Variants in KIFAP3 observed in about 807,000 individuals in gnomAD.
The protein encoded by KIFAP3 is kinesin associated protein 3, also known as kinesin-associated protein 3.
A neutral mutation model predicts 106.5 loss-of-function variants in KIFAP3; 68 were observed. That is an observed-to-expected ratio of 0.64 (90% CI 0.53 to 0.78). KIFAP3 has a LOEUF of 0.78. Among genes scored for constraint, KIFAP3 ranks in the 30% least tolerant of loss-of-function variants. The pLI, the probability that KIFAP3 is intolerant of heterozygous loss-of-function variation, is 0.00. For synonymous variants in KIFAP3, 320 were observed against 311.5 expected, an observed-to-expected ratio of 1.03 and a Z score of -0.29; for missense variants, 780 against 941.8, an observed-to-expected ratio of 0.83 and a Z score of 2.25.
chr1:170,082,003 G>A (rs1672027029), intron 1 of KIFAP3, among the ~76,000 whole-genome samples: 1 of 152,108 alleles, frequency 6.6e-6, no homozygotes, highest in Non-Finnish European at 1.5e-5. Flanking sequence ...AATGCAAAAT[G>A]GTACAACCTT....
At chr1:169,981,145 T>A (rs899120843) in intron 15 of KIFAP3, among the ~76,000 whole-genome samples, 1 of 152,090 alleles carries the variant, frequency 6.6e-6, no homozygotes, top group East Asian at 1.9e-4. Context: ...AAAGAAGTGA[T>A]ATAATACAGT....
At chr1:170,013,492 TATATAA>T (rs1339314522) in intron 10 of KIFAP3, among the ~76,000 whole-genome samples, 2 of 146,134 alleles carry the variant, frequency 1.4e-5, no homozygotes, top group Non-Finnish European at 3.0e-5. Flanking sequence ...TATATATATA[TATATAA>T]AATACATATA....
chr1:170,016,711 CT>C, intron 9 of KIFAP3, 87 bp from the exon 10 acceptor site: 1 of 751,634 alleles, frequency 1.3e-6, no homozygotes, highest in Non-Finnish European at 2.0e-6. Flanking sequence ...TGTTTTTACC[CT>C]AATGTATATC....
At chr1:170,010,943 T>C (rs529010061) in intron 10 of KIFAP3, among the ~76,000 whole-genome samples, 2 of 152,100 alleles carry the variant, frequency 1.3e-5, no homozygotes, top group South Asian at 2.1e-4. Flanking sequence ...AATTTCTATA[T>C]ATGAAATAGG....
At chr1:169,928,103 C>CTT (rs59128071) in intron 19 of KIFAP3, among the ~76,000 whole-genome samples, 67 of 148,724 alleles carry the variant, frequency 4.5e-4, no homozygotes, top group Non-Finnish European at 4.5e-4. Flanking sequence ...TATCTTTTCT[C>CTT]TTTTTTTTTT....
chr1:170,032,250 C>T, intron 7 of KIFAP3: 1 of 267,858 alleles, frequency 3.7e-6, no homozygotes, highest in Non-Finnish European at 7.1e-6. Context: ...ATTTGAACCT[C>T]ACCAAATACT....
chr1:170,080,954 T>C (rs1050810636), intron 1 of KIFAP3, among the ~76,000 whole-genome samples: 1 of 152,194 alleles, frequency 6.6e-6, no homozygotes, highest in Non-Finnish European at 1.5e-5. Context: ...CCATTTTTAA[T>C]AAAATTATCT....
intron 19 of KIFAP3, among the ~76,000 whole-genome samples, chr1:169,930,952 T>G (rs867121788): frequency 1.3e-5 from 2 of 148,608 alleles, no homozygotes; most frequent in Non-Finnish European, 3.0e-5. Context: ...GGAGTTTCAC[T>G]CTTCTTGCCC....
chr1:170,051,468 T>C (rs186457409), intron 2 of KIFAP3, among the ~76,000 whole-genome samples: 116 of 152,326 alleles, frequency 7.6e-4, no homozygotes, highest in African/African-American at 2.5e-3. Flanking sequence ...ATTCAGGACT[T>C]GAACTCAGCT....
chr1:170,002,825 A>T (rs1359784877), intron 10 of KIFAP3, among the ~76,000 whole-genome samples: 1 of 152,218 alleles, frequency 6.6e-6, no homozygotes, highest in Non-Finnish European at 1.5e-5. Context: ...GCTTAGCAAC[A>T]TCTATTGGTA....
chr1:169,970,133 A>G (rs1665829841), intron 17 of KIFAP3, among the ~76,000 whole-genome samples: 1 of 152,022 alleles, frequency 6.6e-6, no homozygotes, highest in South Asian at 2.1e-4. Context: ...TGGAAGAGAA[A>G]AAGGCAATGG....
At chr1:169,925,390 G>T (rs546234362) in intron 19 of KIFAP3, among the ~76,000 whole-genome samples, 1 of 151,838 alleles carries the variant, frequency 6.6e-6, no homozygotes, top group African/African-American at 2.4e-5. Context: ...TATCTCCCAA[G>T]AACAATTATT....
intron 9 of KIFAP3, among the ~76,000 whole-genome samples, chr1:170,017,829 G>T (rs1304485319): frequency 6.6e-6 from 1 of 152,170 alleles, no homozygotes; most frequent in Non-Finnish European, 1.5e-5. Flanking sequence ...TAAGGTAGAT[G>T]TATTTTCTGT....
intron 10 of KIFAP3, among the ~76,000 whole-genome samples, chr1:170,014,309 C>T (rs551573969): frequency 6.6e-4 from 100 of 152,192 alleles, no homozygotes; most frequent in Non-Finnish European, 1.3e-3. Context: ...CACTTAAGAG[C>T]ATAAATCCAT....
intron 11 of KIFAP3, 40 bp from the exon 12 acceptor site, chr1:169,984,730 A>C: frequency 8.6e-7 from 1 of 1,160,750 alleles, no homozygotes; most frequent in East Asian, 2.4e-5. Context: ...CAAGAAACAA[A>C]GACAAAAAAC....
At chr1:170,049,595 G>A (rs1214288724) in intron 2 of KIFAP3, among the ~76,000 whole-genome samples, 1 of 152,200 alleles carries the variant, frequency 6.6e-6, no homozygotes, top group East Asian at 1.9e-4. Context: ...TCTCTGGCTG[G>A]CATCAGGCCA....
chr1:169,970,861 G>A lies in KIFAP3; in HGVS notation c.1983+1652C>T, dbSNP rs181933326. ...CAGAATTTTCATAGGTTTAAAGTGC[G>A]GAAATGAAGGAAGTAAAATATAGAC... On this transcript the variant is annotated intron_variant, in intron 17 of 19. Transcript: ENST00000361580. 4.4e-3 allele frequency among the ~76,000 whole-genome samples: 669 copies of A among 152,032 alleles called. 2 individuals carry two copies. The highest frequency in any genetic ancestry group is 7.5e-3 in the South Asian group (36 of 4,826).
intron 11 of KIFAP3, among the ~76,000 whole-genome samples, chr1:169,985,896 T>C (rs1322698699): frequency 1.3e-5 from 2 of 151,984 alleles, no homozygotes; most frequent in African/African-American, 4.8e-5. Flanking sequence ...GCTGCTATAA[T>C]AAAGGACAAA....
chr1:169,960,639 TG>T (rs1300694943), intron 18 of KIFAP3, among the ~76,000 whole-genome samples: 1 of 152,076 alleles, frequency 6.6e-6, no homozygotes. Flanking sequence ...AGCAAAACCA[TG>T]GCAAAATTAA....
Sources: allele counts gnomAD v4.1 joint callset (sites outside exome capture counted in the v4.1 genomes callset), GRCh38; gene constraint gnomAD v4.1.1; transcripts MANE v1.5; gene names NCBI Gene and HGNC (gene_info 2026-07-23, HGNC 2026-07-21).